The following SFI1 variants were observed in gnomAD, a reference collection of about 807,000 sequenced individuals.
SFI1 encodes SFI1 centrin binding protein.
A neutral mutation model predicts 207.5 loss-of-function variants in SFI1; 195 were observed. The ratio of observed to expected loss-of-function variants is 0.94; its 90% CI spans 0.84 to 1.06. The LOEUF is 1.06. Among genes scored for constraint, SFI1 ranks in the 50% least tolerant of loss-of-function variants. SFI1 has a pLI of 0.00. For missense variants in SFI1, 1,634 were observed against 1,588.0 expected (o/e 1.03, Z -0.49); for synonymous variants, 630 against 598.9 (o/e 1.05, Z -0.76).
chr22:31,508,312 A>T lies in SFI1; in HGVS notation c.28A>T (p.Ile10Leu). 1 of 1,613,356 alleles carries T rather than the reference A, an allele frequency of 6.2e-7. No homozygotes were observed. The highest frequency in any genetic ancestry group is 8.5e-7 in the Non-Finnish European group (1 of 1,179,512). Residue 10 changes from isoleucine (I) to leucine (L), a missense_variant, in exon 2 of 33, where the codon ATA becomes TTA. Physicochemically the swap from Ile to Leu is conservative, Grantham distance 5 (BLOSUM62 2). Transcript: ENST00000400288. MKNLLTEKC[I>L]SSHNFHQKVI... is the part of the protein sequence containing the mutation. ...GAAGAATCTGCTCACTGAGAAGTGTATATCAAGCCACAATTTCCATCAAAA... is the reference window on the plus strand; with the variant it reads ...GAAGAATCTGCTCACTGAGAAGTGTTTATCAAGCCACAATTTCCATCAAAA...
At chr22:31,514,106 A>T (rs904019965) in intron 2 of SFI1, among the ~76,000 whole-genome samples, 5 of 144,960 alleles carry the variant, frequency 3.4e-5, no homozygotes, top group African/African-American at 1.3e-4. Flanking sequence ...GTGCCACTGC[A>T]CTCCAGCCCG....
At chr22:31,574,357 C>T (rs2063259590) in intron 9 of SFI1, among the ~76,000 whole-genome samples, 2 of 152,316 alleles carry the variant, frequency 1.3e-5, no homozygotes, top group South Asian at 4.1e-4. Context: ...TAATGCCTGC[C>T]TCCAATTACA....
At chr22:31,545,465 A>G (rs753436709) in intron 4 of SFI1, among the ~76,000 whole-genome samples, 3 of 152,178 alleles carry the variant, frequency 2.0e-5, no homozygotes, top group African/African-American at 4.8e-5. Context: ...CTTGAGCCCA[A>G]GGGTTTGAGA....
chr22:31,528,900 T>G, intron 3 of SFI1, 37 bp downstream of exon 3: 2 of 1,569,038 alleles, frequency 1.3e-6, no homozygotes, highest in Non-Finnish European at 1.7e-6. Flanking sequence ...ATGGGTACTT[T>G]GCTTTTGTTC....
chr22:31,596,183 G>T (rs2067080731), intron 15 of SFI1, among the ~76,000 whole-genome samples: 2 of 152,284 alleles, frequency 1.3e-5, no homozygotes, highest in South Asian at 4.1e-4. Context: ...AACCCAGGAG[G>T]CAGAGGCTAC....
chr22:31,498,192 G>T (rs543811239), intron 1 of SFI1, among the ~76,000 whole-genome samples: 1 of 152,270 alleles, frequency 6.6e-6, no homozygotes, highest in Non-Finnish European at 1.5e-5. Flanking sequence ...CTACTGGGGA[G>T]GCTGAGGCAG....
chr22:31,569,947 CAA>C (rs71202099), intron 8 of SFI1, among the ~76,000 whole-genome samples: 87,972 of 131,146 alleles, frequency 0.67, 29,075 homozygotes, highest in Non-Finnish European at 0.7. Context: ...GAACCTATCT[CAA>C]AAAAAAAAAA....
chr22:31,594,713 G>T (rs1327454703), intron 15 of SFI1, among the ~76,000 whole-genome samples: 2 of 151,066 alleles, frequency 1.3e-5, no homozygotes, highest in Non-Finnish European at 2.9e-5. Flanking sequence ...AAATTAGCCG[G>T]GCGTGGTGGT....
chr22:31,541,682 T>G (rs1394972930), intron 4 of SFI1, among the ~76,000 whole-genome samples: 1 of 147,380 alleles, frequency 6.8e-6, no homozygotes, highest in African/African-American at 2.5e-5. Context: ...AGGCAGAGGT[T>G]GCAGTGAGCC....
intron 28 of SFI1, 29 bp downstream of exon 28, chr22:31,614,889 CAG>C (rs777464824): frequency 2.0e-5 from 32 of 1,610,844 alleles, no homozygotes; most frequent in Non-Finnish European, 2.5e-5. Context: ...CGTGGGCAGG[CAG>C]GGGGAGATGG....
Position 31,606,360 on chromosome 22 carries a change from T to C in SFI1, c.2087T>C (p.Met696Thr). 1 of 1,613,914 alleles carries C rather than the reference T, an allele frequency of 6.2e-7. No homozygotes were observed. The highest frequency in any genetic ancestry group is 8.5e-7 in the Non-Finnish European group (1 of 1,180,034). The change falls in exon 21 of 33, where the codon ATG becomes ACG. Residue 696 changes from methionine to threonine, a missense_variant. Transcript: ENST00000400288. ...GALRRWKENTMARVDEAKKTF... is the reference protein window; with the variant it reads ...GALRRWKENTTARVDEAKKTF... Reference sequence around the variant, plus strand: ...TTACGTCGCTGGAAAGAGAACACCATGGCCCGAGTGGATGAAGCCAAAAAA... The same window carrying C: ...TTACGTCGCTGGAAAGAGAACACCACGGCCCGAGTGGATGAAGCCAAAAAA...
intron 2 of SFI1, among the ~76,000 whole-genome samples, chr22:31,518,531 T>C (rs2056821639): frequency 1.3e-5 from 2 of 152,218 alleles, no homozygotes; most frequent in Non-Finnish European, 2.9e-5. Flanking sequence ...TCTCTCTTCC[T>C]GGTCAGTTTC....
intron 1 of SFI1, among the ~76,000 whole-genome samples, chr22:31,497,069 G>C (rs118038334): frequency 7.9e-4 from 120 of 152,318 alleles, no homozygotes; most frequent in Non-Finnish European, 1.1e-3. Flanking sequence ...CACTGAGCCC[G>C]CAGGGAGTAA....
At chr22:31,575,944 G>A (rs937770873) in intron 10 of SFI1, among the ~76,000 whole-genome samples, 3 of 152,112 alleles carry the variant, frequency 2.0e-5, no homozygotes, top group Admixed American at 6.5e-5. Flanking sequence ...AGATTCAGAG[G>A]AGCTGAGTGT....
chr22:31,560,476 A>G (rs566210207), intron 7 of SFI1, among the ~76,000 whole-genome samples: 2 of 141,438 alleles, frequency 1.4e-5, no homozygotes, highest in South Asian at 4.4e-4. Flanking sequence ...ATCTTGGCTC[A>G]CAGCCACCTC....
At position 31,580,285 on chromosome 22, in the gene SFI1, G is replaced by C; in HGVS notation, c.1169G>C (p.Arg390Thr). The C allele has an allele frequency of 1.2e-6, 2 of 1,613,674 alleles. No individual in the cohort carries two copies. The highest frequency in any genetic ancestry group is 1.7e-6 in the Non-Finnish European group (2 of 1,179,768). ...TTCTTTGCACAGTATTTTTGCTTTA[G>C]AGCCCTAAAAGACAATGTGACCCAC... ...HRHSQLYFCFRALKDNVTHAH... is the reference protein window; with the variant it reads ...HRHSQLYFCFTALKDNVTHAH... Residue 390 changes from arginine (R) to threonine (T), a missense_variant, in exon 12 of 33, where the codon AGA (arginine) becomes ACA (threonine). Transcript: ENST00000400288.
intron 8 of SFI1, among the ~76,000 whole-genome samples, chr22:31,569,019 C>A (rs2062685848): frequency 6.6e-6 from 1 of 152,116 alleles, no homozygotes; most frequent in South Asian, 2.1e-4. Flanking sequence ...CATTTTAATT[C>A]TTTAAAAATT....
intron 15 of SFI1, among the ~76,000 whole-genome samples, chr22:31,601,452 A>G (rs1363047220): frequency 6.6e-6 from 1 of 152,098 alleles, no homozygotes; most frequent in African/African-American, 2.4e-5. Flanking sequence ...TTCACCTGAA[A>G]TACTTGTTTA....
chr22:31,507,906 C>G (rs926141271), intron 1 of SFI1, among the ~76,000 whole-genome samples: 21 of 151,956 alleles, frequency 1.4e-4, no homozygotes, highest in African/African-American at 4.8e-4. Context: ...GGAATCTTGT[C>G]TCTACTGAAA....
Sources: gnomAD v4.1 joint callset for allele counts (sites outside exome capture counted in the v4.1 genomes callset) on GRCh38, gnomAD v4.1.1 for gene constraint, MANE v1.5 for transcripts, NCBI Gene and HGNC (gene_info 2026-07-23, HGNC 2026-07-21) for gene names.